The following LRMDA variants were observed in gnomAD, a reference collection of about 807,000 sequenced individuals.
The protein encoded by LRMDA is leucine rich melanocyte differentiation associated.
In LRMDA, 18 loss-of-function variants were observed where a neutral mutation model predicts 29.8. That is an observed-to-expected ratio of 0.60 (90% CI 0.42 to 0.90). The LOEUF (loss-of-function observed/expected upper bound fraction) is 0.90. Ranked by LOEUF, LRMDA falls within the 40% of genes least tolerant of loss-of-function variation. The pLI is 0.00. For synonymous variants in LRMDA, 125 were observed against 109.4 expected, an observed-to-expected ratio of 1.14 and a Z score of -0.89; for missense variants, 273 against 273.9, an observed-to-expected ratio of 1.00 and a Z score of 0.02.
intron 5 of LRMDA, among the ~76,000 whole-genome samples, chr10:76,144,753 G>A (rs1367553423): frequency 1.3e-5 from 2 of 152,060 alleles, no homozygotes; most frequent in Non-Finnish European, 2.9e-5. Flanking sequence ...GTGAGAGAGG[G>A]CATCCCTGTC....
Position 76,269,399 on chromosome 10 carries a change from A to G in LRMDA, c.517-55002A>G, listed in dbSNP as rs574413385. On this transcript the variant is annotated intron_variant, in intron 5 of 6. Transcript: ENST00000611255. ...TTCTCCAAAATTATTTATAAAGGCC[A>G]CTCATGACTGTGCCAGAACGGAGGC... Among the ~76,000 whole-genome samples the G allele has an allele frequency of 1.6e-3, 240 of 152,260 alleles. 1 individual carries two copies. Among genetic ancestry groups the G allele is most frequent in the African/African-American group, 5.6e-3 (232 of 41,556 alleles).
chr10:75,542,278 CTT>C (rs1056764058), intron 2 of LRMDA, among the ~76,000 whole-genome samples: 1 of 146,342 alleles, frequency 6.8e-6, no homozygotes. Context: ...AAGCCTGAAA[CTT>C]TTTTTTTTTT....
chr10:76,510,860 C>T (rs1027262531), intron 6 of LRMDA, among the ~76,000 whole-genome samples: 4 of 152,204 alleles, frequency 2.6e-5, no homozygotes, highest in Non-Finnish European at 5.9e-5. Flanking sequence ...TCATATGCTG[C>T]ACCTATGCAG....
chr10:75,600,206 G>T (rs2132090774), intron 2 of LRMDA, among the ~76,000 whole-genome samples: 1 of 152,264 alleles, frequency 6.6e-6, no homozygotes, highest in Admixed American at 6.5e-5. Flanking sequence ...CATCTGCTTG[G>T]CCTCAGGCTC....
intron 6 of LRMDA, chr10:76,437,519 T>C (rs1236312512): frequency 3.9e-5 from 6 of 152,256 alleles, no homozygotes; most frequent in Non-Finnish European, 7.3e-5. Flanking sequence ...GGCAGGCTTC[T>C]CTGGGTAAAT....
At chr10:76,297,300 C>T (rs1184856309) in intron 5 of LRMDA, among the ~76,000 whole-genome samples, 6 of 152,220 alleles carry the variant, frequency 3.9e-5, no homozygotes, top group Non-Finnish European at 1.5e-5. Flanking sequence ...TGGGCAGCCC[C>T]ACTCTTGTAA....
At chr10:76,375,923 G>A (rs1841511413) in intron 6 of LRMDA, among the ~76,000 whole-genome samples, 1 of 152,030 alleles carries the variant, frequency 6.6e-6, no homozygotes, top group Non-Finnish European at 1.5e-5. Flanking sequence ...ACTATTACTG[G>A]AAAAGGAAAC....
intron 6 of LRMDA, among the ~76,000 whole-genome samples, chr10:76,525,362 C>T (rs1362540889): frequency 6.6e-6 from 1 of 152,134 alleles, no homozygotes; most frequent in Non-Finnish European, 1.5e-5. Flanking sequence ...GCATGGCTCA[C>T]TGTTAACCAT....
At chr10:76,163,357 G>A (rs1332979761) in intron 5 of LRMDA, among the ~76,000 whole-genome samples, 1 of 152,160 alleles carries the variant, frequency 6.6e-6, no homozygotes, top group Non-Finnish European at 1.5e-5. Context: ...GACTATGCAG[G>A]ATGGGACTTT....
chr10:75,894,873 G>T (rs894983774), intron 2 of LRMDA, among the ~76,000 whole-genome samples: 9 of 152,186 alleles, frequency 5.9e-5, no homozygotes, highest in African/African-American at 2.2e-4. Flanking sequence ...CTAAGTACTA[G>T]TCTAAGTGTT....
At chr10:75,585,456 G>A (rs1405749926) in intron 2 of LRMDA, among the ~76,000 whole-genome samples, 1 of 152,166 alleles carries the variant, frequency 6.6e-6, no homozygotes, top group East Asian at 1.9e-4. Flanking sequence ...GAACATTCTT[G>A]TCTGTCTTTT....
intron 5 of LRMDA, among the ~76,000 whole-genome samples, chr10:76,201,032 G>A (rs183561986): frequency 6.4e-4 from 94 of 146,086 alleles, no homozygotes; most frequent in African/African-American, 2.1e-3. Context: ...TTTTTATTTC[G>A]TAACGCTTAG....
At chr10:75,498,697 TA>T (rs1226091894) in intron 2 of LRMDA, among the ~76,000 whole-genome samples, 1 of 152,126 alleles carries the variant, frequency 6.6e-6, no homozygotes, top group Non-Finnish European at 1.5e-5. Flanking sequence ...GCTGCTTGAC[TA>T]AGTGGGTACA....
At chr10:75,439,095 A>G (rs959630333) in intron 2 of LRMDA, among the ~76,000 whole-genome samples, 8 of 152,188 alleles carry the variant, frequency 5.3e-5, no homozygotes, top group Admixed American at 6.5e-5. Context: ...GGCAAAGGTA[A>G]GTGTGATCTT....
intron 5 of LRMDA, among the ~76,000 whole-genome samples, chr10:76,146,885 T>C (rs1431196139): frequency 1.3e-5 from 2 of 152,202 alleles, no homozygotes; most frequent in African/African-American, 4.8e-5. Flanking sequence ...GGCCTGCTGG[T>C]GACAAAATCT....
intron 6 of LRMDA, among the ~76,000 whole-genome samples, chr10:76,396,049 G>A (rs1224412586): frequency 1.3e-5 from 2 of 152,154 alleles, no homozygotes; most frequent in East Asian, 3.9e-4. Context: ...AGTTAGTTAA[G>A]GGCTTTAGCA....
At chr10:75,878,064 C>G (rs1589238122) in intron 2 of LRMDA, among the ~76,000 whole-genome samples, 2 of 152,224 alleles carry the variant, frequency 1.3e-5, no homozygotes, top group Non-Finnish European at 2.9e-5. Flanking sequence ...ACAGCAGGGT[C>G]TAGGGTTGAA....
intron 5 of LRMDA, among the ~76,000 whole-genome samples, chr10:76,142,855 C>A (rs1850231486): frequency 6.6e-6 from 1 of 151,344 alleles, no homozygotes; most frequent in Non-Finnish European, 1.5e-5. Flanking sequence ...CCCTACCCAA[C>A]AACAGTCCCC....
At chr10:76,336,743 T>C (rs934634650) in intron 6 of LRMDA, among the ~76,000 whole-genome samples, 3 of 152,170 alleles carry the variant, frequency 2.0e-5, no homozygotes, top group Non-Finnish European at 4.4e-5. Context: ...AATAAAACAG[T>C]CTTCTCCCTT....
Sources: gnomAD v4.1 joint callset for allele counts (sites outside exome capture counted in the v4.1 genomes callset) on GRCh38, gnomAD v4.1.1 for gene constraint, MANE v1.5 for transcripts, NCBI Gene and HGNC (gene_info 2026-07-23, HGNC 2026-07-21) for gene names.